The following KIF26B variants were observed in gnomAD, a reference collection of about 807,000 sequenced individuals.
KIF26B encodes kinesin family member 26B, also known as kinesin-like protein KIF26B.
Under a neutral mutation model 151.2 loss-of-function variants are expected in KIF26B, and 63 were observed. That is an observed-to-expected ratio of 0.42 (90% CI 0.34 to 0.51). The LOEUF is 0.51. KIF26B is among the 20% of genes least tolerant of loss of function. The pLI is 0.07. For synonymous variants in KIF26B, 1,357 were observed against 1,262.1 expected, an observed-to-expected ratio of 1.08 and a Z score of -1.59; for missense variants, 2,813 against 2,913.6, an observed-to-expected ratio of 0.97 and a Z score of 0.79.
rs939081815 is a variant in KIF26B, at chr1:245,532,768, GA to G, written c.1167-7989del. 1.8e-3 allele frequency among the ~76,000 whole-genome samples: 259 copies of G among 147,376 alleles called. 1 individual carries two copies. Among genetic ancestry groups the G allele is most frequent in the Non-Finnish European group, 2.7e-3 (178 of 66,582 alleles). On this transcript the variant is annotated intron_variant, in intron 4 of 14. Transcript: ENST00000407071. ...AATAGATAATTTACATAAAAATCAGGAAAAAAAAAACCCCAGCCCCATATGC... is the reference window on the plus strand; with the variant it reads ...AATAGATAATTTACATAAAAATCAGGAAAAAAAAACCCCAGCCCCATATGC...
At chr1:245,164,581 C>T (rs940334760) in intron 2 of KIF26B, among the ~76,000 whole-genome samples, 1 of 152,222 alleles carries the variant, frequency 6.6e-6, no homozygotes, top group Non-Finnish European at 1.5e-5. Flanking sequence ...AGGGGTGATG[C>T]GTGCCCCCTA....
At chr1:245,255,541 T>G (rs543938253) in intron 2 of KIF26B, among the ~76,000 whole-genome samples, 1 of 152,210 alleles carries the variant, frequency 6.6e-6, no homozygotes, top group Non-Finnish European at 1.5e-5. Flanking sequence ...ATCATGTGAT[T>G]TGTATGTTTT....
chr1:245,268,049 A>G (rs796520170), intron 2 of KIF26B, among the ~76,000 whole-genome samples: 12 of 152,278 alleles, frequency 7.9e-5, no homozygotes, highest in African/African-American at 2.9e-4. Context: ...CCTCATGCCT[A>G]TAATCCTAGC....
chr1:245,411,747 G>C (rs991927594), intron 3 of KIF26B, among the ~76,000 whole-genome samples: 6 of 152,124 alleles, frequency 3.9e-5, no homozygotes, highest in African/African-American at 1.4e-4. Context: ...CTTGATGTGG[G>C]GATTGAGACA....
intron 10 of KIF26B, among the ~76,000 whole-genome samples, chr1:245,670,540 G>T (rs1309331254): frequency 6.8e-6 from 1 of 147,954 alleles, no homozygotes; most frequent in East Asian, 2.0e-4. Flanking sequence ...AAAAAAAAAA[G>T]AATTGAAAGC....
At position 245,465,401 on chromosome 1, in the gene KIF26B, A is replaced by G. The variant is rs544305464; in HGVS notation, c.1166+45656A>G. ...TGCCCCATCACCTAAGCTCGTGACCAGGGGAGGGGGAAAAGCATCACTGCT... is the reference window on the plus strand; with the variant it reads ...TGCCCCATCACCTAAGCTCGTGACCGGGGGAGGGGGAAAAGCATCACTGCT... On this transcript the variant is annotated intron_variant, in intron 4 of 14. Coordinates refer to ENST00000407071, the MANE Select transcript of KIF26B (RefSeq NM_018012.4). 1.6e-4 allele frequency among the ~76,000 whole-genome samples: 8 copies of G among 48,528 alleles called. No homozygotes were observed. In the South Asian group the frequency reaches 2.8e-3, roughly 17 times the overall value. 31.8% of individuals were successfully genotyped at this position (48,528 alleles called of 152,430 possible).
chr1:245,174,740 G>A (rs1294514604), intron 2 of KIF26B, among the ~76,000 whole-genome samples: 3 of 152,200 alleles, frequency 2.0e-5, no homozygotes, highest in Non-Finnish European at 4.4e-5. Flanking sequence ...CGCTTGATGA[G>A]TGTCACCAGT....
At chr1:245,683,295 G>A (rs1164363502) in intron 10 of KIF26B, among the ~76,000 whole-genome samples, 4 of 149,870 alleles carry the variant, frequency 2.7e-5, no homozygotes, top group African/African-American at 4.9e-5. Context: ...ATGAGCACGC[G>A]GCATGGGAAA....
chr1:245,363,730 C>T (rs1334114260), intron 2 of KIF26B, among the ~76,000 whole-genome samples: 5 of 152,242 alleles, frequency 3.3e-5, no homozygotes, highest in Admixed American at 6.5e-5. Context: ...ACACCTCTGA[C>T]ATCAGCCAGC....
chr1:245,684,258 C>A lies in KIF26B; in HGVS notation c.2284C>A (p.Arg762=). Residue 762 remains arginine, a synonymous_variant, in exon 11 of 15, where the codon CGG becomes AGG. Transcript: ENST00000407071. ...AGAGAGCAAGCTCGCCATGTTGCTG[C>A]GGGAGTCTCTGGGGAACATGAACTG... ...YKESKLAMLL[R]ESLGNMNCRT... 3 of 1,613,638 alleles carry A rather than the reference C, an allele frequency of 1.9e-6. No individual in the cohort carries two copies. The highest frequency in any genetic ancestry group is 2.5e-6 in the Non-Finnish European group (3 of 1,179,672).
chr1:245,407,142 G>T (rs1319180000), intron 3 of KIF26B, among the ~76,000 whole-genome samples: 2 of 152,076 alleles, frequency 1.3e-5, no homozygotes, highest in African/African-American at 4.8e-5. Context: ...TTTGTGACAG[G>T]GTCTTTAAAT....
rs1455582705 is a variant in KIF26B, at chr1:245,156,630, G to C, written c.412G>C (p.Glu138Gln). The change falls in exon 2 of 15, where the codon GAG (glutamate) becomes CAG (glutamine). Residue 138 changes from glutamate to glutamine, a missense_variant. By Grantham distance (29) the Glu-to-Gln change is conservative. Around this residue, in one of 3 missense-constraint regions of KIF26B, gnomAD observed 676 missense variants for 688.1 expected, o/e 0.98. Coordinates refer to ENST00000407071, the MANE Select transcript of KIF26B (RefSeq NM_018012.4). The stretch of plus-strand genomic sequence containing the variant: ...CGAGAACTGCAACGCCCGCCTGGTG[G>C]AGCTCAAGAGGCAGGCCCTGAGGTT... ...WCENCNARLV[E>Q]LKRQALRLLL... 6.6e-7 allele frequency: 1 copy of C among 1,523,792 alleles called. No homozygotes were observed. The highest frequency in any genetic ancestry group is 2.0e-5 in the Admixed American group (1 of 50,488). 94.4% of individuals were successfully genotyped at this position (1,523,792 alleles called of 1,614,324 possible). A position where few individuals can be genotyped will look rare whatever the true frequency, so the allele number is the denominator to read the frequency against.
chr1:245,278,495 T>C (rs1258632342), intron 2 of KIF26B, among the ~76,000 whole-genome samples: 1 of 152,226 alleles, frequency 6.6e-6, no homozygotes, highest in African/African-American at 2.4e-5. Context: ...CTCTGCTTTC[T>C]CTTTTGGGCA....
intron 2 of KIF26B, among the ~76,000 whole-genome samples, chr1:245,299,348 TTGGGTCGCCCACATGA>T (rs1671389384): frequency 1.3e-5 from 2 of 148,736 alleles, no homozygotes; most frequent in Admixed American, 1.3e-4. Context: ...TTTTTTGAGT[TTGGGTCGCCCACATGA>T]TGGGTTGTAA....
chr1:245,590,097 C>A (rs1300303786), intron 5 of KIF26B, among the ~76,000 whole-genome samples: 3 of 151,966 alleles, frequency 2.0e-5, no homozygotes, highest in Admixed American at 1.3e-4. Flanking sequence ...TAACAATAAG[C>A]CGCCTCTGTG....
Position 245,569,927 on chromosome 1 carries a change from A to ATTTTTTTTT in KIF26B, c.1350+28995_1350+29003dup, listed in dbSNP as rs869238168. 1.1e-3 allele frequency among the ~76,000 whole-genome samples: 52 copies of ATTTTTTTTT among 47,666 alleles called. 11 individuals carry two copies. Among genetic ancestry groups the ATTTTTTTTT allele is most frequent in the African/African-American group, 4.3e-3 (50 of 11,566 alleles). 31.3% of individuals were successfully genotyped at this position (47,666 alleles called of 152,430 possible). ...GGGAAACCTACGTTGTAAATAGAGAATTTTTTTTTTTTTTTTTTTTTTTTT... is the reference window on the plus strand; with the variant it reads ...GGGAAACCTACGTTGTAAATAGAGAATTTTTTTTTTTTTTTTTTTTTTTTTTTTTTTTTT... On this transcript the variant is annotated intron_variant, in intron 5 of 14. Transcript: ENST00000407071.
At chr1:245,685,172 G>A (rs1418489572) in intron 11 of KIF26B, among the ~76,000 whole-genome samples, 2 of 152,254 alleles carry the variant, frequency 1.3e-5, no homozygotes, top group African/African-American at 4.8e-5. Flanking sequence ...CCCCTTTCCT[G>A]AGCAGCTGTT....
chr1:245,485,452 C>T (rs1229464958), intron 4 of KIF26B, among the ~76,000 whole-genome samples: 6 of 149,708 alleles, frequency 4.0e-5, no homozygotes, highest in East Asian at 2.0e-4. Flanking sequence ...GGCGTGATCT[C>T]GGCTCACTGC....
chr1:245,421,898 G>A (rs954031311), intron 4 of KIF26B, among the ~76,000 whole-genome samples: 4 of 152,060 alleles, frequency 2.6e-5, no homozygotes, highest in African/African-American at 7.3e-5. Context: ...GAGGATTTAC[G>A]AACAAGCAAA....
Sources: gnomAD v4.1 joint callset for allele counts (sites outside exome capture counted in the v4.1 genomes callset) on GRCh38, gnomAD v4.1.1 for gene constraint, gnomAD v4.1.1 regional missense constraint, MANE v1.5 for transcripts, NCBI Gene and HGNC (gene_info 2026-07-23, HGNC 2026-07-21) for gene names.